EPHA6: variants seen among roughly 807,000 people sequenced by gnomAD.
The protein encoded by EPHA6 is EPH receptor A6, also known as ephrin type-A receptor 6.
A neutral mutation model predicts 112.0 loss-of-function variants in EPHA6; 50 were observed. The ratio of observed to expected loss-of-function variants is 0.45; its 90% CI spans 0.36 to 0.56. The LOEUF (loss-of-function observed/expected upper bound fraction) is 0.56, where lower values mean the gene tolerates loss of function less well. Ranked by LOEUF, EPHA6 falls within the 20% of genes least tolerant of loss-of-function variation. The pLI, the probability that EPHA6 is intolerant of heterozygous loss-of-function variation, is 0.00. For synonymous variants in EPHA6, 529 were observed against 490.7 expected (o/e 1.08, Z -1.03); for missense variants, 1,280 against 1,417.4 (o/e 0.90, Z 1.56).
intron 5 of EPHA6, among the ~76,000 whole-genome samples, chr3:97,337,236 C>T (rs573452483): frequency 1.8e-3 from 277 of 152,168 alleles, no homozygotes; most frequent in Non-Finnish European, 2.8e-3. Flanking sequence ...CTCTGACTTA[C>T]TGTAAAGTGA....
At chr3:97,700,319 C>T (rs1234792720) in intron 14 of EPHA6, among the ~76,000 whole-genome samples, 1 of 152,216 alleles carries the variant, frequency 6.6e-6, no homozygotes, top group Non-Finnish European at 1.5e-5. Context: ...TTCCCCCGCG[C>T]TTCCAAGTTG....
rs201822906 is a variant in EPHA6, at chr3:97,557,101, A to G, written c.2386+24558A>G. Among the ~76,000 whole-genome samples, 5 of 152,150 alleles carry G rather than the reference A, an allele frequency of 3.3e-5. No individual in the cohort carries two copies. The East Asian group carries it at 7.7e-4, about 23-fold the overall frequency. ...TTATTATCATAGGATAGATTCATAG[A>G]AGTGTAATTCATGAGTCAAAGAATT... is the stretch of plus-strand genomic sequence containing the variant. On this transcript the variant is annotated intron_variant, in intron 11 of 17. Transcript: ENST00000389672.
At chr3:97,579,643 A>G (rs1457630630) in intron 11 of EPHA6, among the ~76,000 whole-genome samples, 2 of 152,214 alleles carry the variant, frequency 1.3e-5, no homozygotes, top group Non-Finnish European at 2.9e-5. Flanking sequence ...AGACTGCACC[A>G]TTATTTACAC....
At chr3:97,696,464 G>A (rs1447483871) in intron 14 of EPHA6, among the ~76,000 whole-genome samples, 2 of 152,022 alleles carry the variant, frequency 1.3e-5, no homozygotes, top group Non-Finnish European at 2.9e-5. Context: ...TATGACTTAC[G>A]TTTACCTCAT....
At chr3:96,904,913 TG>T (rs1368974325) in intron 2 of EPHA6, among the ~76,000 whole-genome samples, 1 of 152,112 alleles carries the variant, frequency 6.6e-6, no homozygotes, top group Non-Finnish European at 1.5e-5. Flanking sequence ...CGGACAACAC[TG>T]GTAAAGGACC....
At position 97,271,393 on chromosome 3, in the gene EPHA6, C is replaced by T. The variant is rs577031222; in HGVS notation, c.1606+27106C>T. Among the ~76,000 whole-genome samples, 6 of 152,330 alleles carry T rather than the reference C, an allele frequency of 3.9e-5. No homozygotes were observed. The South Asian group carries it at 8.3e-4, about 21-fold the overall frequency. ...TTAATTTTTGAGACGGAGTCTCGCTCTGTCACCCAGGCTGGAGTGCAGTGG... is the reference window on the plus strand; with the variant it reads ...TTAATTTTTGAGACGGAGTCTCGCTTTGTCACCCAGGCTGGAGTGCAGTGG... On this transcript the variant is annotated intron_variant, in intron 5 of 17. Transcript: ENST00000389672.
intron 3 of EPHA6, among the ~76,000 whole-genome samples, chr3:97,042,654 T>C (rs915962588): frequency 1.3e-5 from 2 of 152,066 alleles, no homozygotes; most frequent in East Asian, 1.9e-4. Context: ...CTAGCCGTGG[T>C]TCCAACCATT....
At chr3:96,893,781 T>C (rs561029986) in intron 2 of EPHA6, among the ~76,000 whole-genome samples, 2 of 152,312 alleles carry the variant, frequency 1.3e-5, no homozygotes, top group South Asian at 4.1e-4. Context: ...AAAGATTGTT[T>C]GCTATGTTGA....
intron 12 of EPHA6, among the ~76,000 whole-genome samples, chr3:97,596,184 C>T (rs1221646427): frequency 6.6e-6 from 1 of 152,146 alleles, no homozygotes; most frequent in Non-Finnish European, 1.5e-5. Flanking sequence ...GGATTACAGG[C>T]GTGAGCCACC....
intron 2 of EPHA6, among the ~76,000 whole-genome samples, chr3:96,932,552 T>C (rs1354696852): frequency 6.6e-6 from 1 of 152,230 alleles, no homozygotes; most frequent in East Asian, 1.9e-4. Flanking sequence ...TTCAGTAGAA[T>C]TTATCTGCAG....
At chr3:97,068,905 C>T (rs2046267372) in intron 3 of EPHA6, among the ~76,000 whole-genome samples, 1 of 152,152 alleles carries the variant, frequency 6.6e-6, no homozygotes, top group African/African-American at 2.4e-5. Context: ...GACTTCCAGC[C>T]TCCAGAAATG....
intron 3 of EPHA6, among the ~76,000 whole-genome samples, chr3:97,151,928 T>C (rs1010514068): frequency 6.6e-6 from 1 of 152,028 alleles, no homozygotes; most frequent in Non-Finnish European, 1.5e-5. Flanking sequence ...TTAGCGTTTT[T>C]ATTAATAAAT....
intron 1 of EPHA6, among the ~76,000 whole-genome samples, chr3:96,829,949 GCACACACACACACACACACACACA>G (rs67227502): frequency 7.4e-6 from 1 of 136,034 alleles, no homozygotes; most frequent in South Asian, 2.3e-4. Context: ...GCGCGCGCGC[GCACACACACACACACACACACACA>G]CACACACACA....
intron 4 of EPHA6, among the ~76,000 whole-genome samples, chr3:97,228,610 C>A (rs1403240430): frequency 4.6e-5 from 7 of 150,570 alleles, no homozygotes; most frequent in Non-Finnish European, 1.0e-4. Context: ...TTTTCTTTAT[C>A]CACTTATTAG....
At chr3:97,423,057 G>A (rs958197521) in intron 6 of EPHA6, among the ~76,000 whole-genome samples, 1 of 152,120 alleles carries the variant, frequency 6.6e-6, no homozygotes, top group Non-Finnish European at 1.5e-5. Context: ...ACAGTGAATG[G>A]GCAAAAGCTG....
chr3:97,347,513 G>T (rs1011747682), intron 5 of EPHA6, among the ~76,000 whole-genome samples: 5 of 152,006 alleles, frequency 3.3e-5, no homozygotes, highest in African/African-American at 1.2e-4. Context: ...GTACAGGAGA[G>T]AATCATGTAT....
intron 5 of EPHA6, among the ~76,000 whole-genome samples, chr3:97,382,022 T>A (rs2085770431): frequency 6.6e-6 from 1 of 152,106 alleles, no homozygotes; most frequent in Non-Finnish European, 1.5e-5. Flanking sequence ...AATATTTATT[T>A]ACAAACAATG....
intron 5 of EPHA6, among the ~76,000 whole-genome samples, chr3:97,249,820 T>A (rs1404553936): frequency 6.6e-6 from 1 of 152,228 alleles, no homozygotes; most frequent in Non-Finnish European, 1.5e-5. Context: ...ATTTGCTGAA[T>A]TCATTAAAAA....
At chr3:96,927,903 G>T (rs1253340066) in intron 2 of EPHA6, among the ~76,000 whole-genome samples, 1 of 152,184 alleles carries the variant, frequency 6.6e-6, no homozygotes, top group Non-Finnish European at 1.5e-5. Flanking sequence ...TCACAGTTCT[G>T]CAGGGCTGGG....
Sources: gnomAD v4.1 joint callset for allele counts (sites outside exome capture counted in the v4.1 genomes callset) on GRCh38, gnomAD v4.1.1 for gene constraint, MANE v1.5 for transcripts, NCBI Gene and HGNC (gene_info 2026-07-23, HGNC 2026-07-21) for gene names.